POLE: variants seen among roughly 807,000 people sequenced by gnomAD.
POLE encodes DNA polymerase epsilon catalytic subunit A.
Under a neutral mutation model 279.2 loss-of-function variants are expected in POLE, and 188 were observed. That is an observed-to-expected ratio of 0.67 (90% CI 0.60 to 0.76). POLE has a LOEUF of 0.76. Among genes scored for constraint, POLE ranks in the 30% least tolerant of loss-of-function variants. The pLI is 0.00. For missense variants in POLE, 2,703 were observed against 3,016.7 expected (o/e 0.90, Z 2.44); for synonymous variants, 1,214 against 1,172.5 (o/e 1.04, Z -0.72).
chr12:132,651,752 C>G (rs555887241), intron 29 of POLE, among the ~76,000 whole-genome samples: 2 of 152,324 alleles, frequency 1.3e-5, no homozygotes, highest in Admixed American at 1.3e-4. Flanking sequence ...CTCAAAAGTC[C>G]AGTGCCATGC....
At chr12:132,643,806 C>G in intron 33 of POLE, 31 bp downstream of exon 33, 10 of 1,606,060 alleles carry the variant, frequency 6.2e-6, no homozygotes, top group Non-Finnish European at 8.5e-6. Flanking sequence ...GGAGCCTCCC[C>G]CAGTTCAGTC....
Position 132,681,126 on chromosome 12 carries a change from C to T in POLE, c.204+12G>A. 2 of 1,613,898 alleles carry T rather than the reference C, an allele frequency of 1.2e-6. No homozygotes were observed. The highest frequency in any genetic ancestry group is 1.7e-6 in the Non-Finnish European group (2 of 1,179,974). On this transcript the variant is annotated intron_variant, in intron 2 of 48. Transcript: ENST00000320574. ...GCCATATTCCTGGGTGGGAGAAGGA[C>T]CTAGTGCTTACAGGATGCATGTTAA...
At chr12:132,635,802 G>T in intron 42 of POLE, 90 bp downstream of exon 42, 1 of 1,418,570 alleles carries the variant, frequency 7.0e-7, no homozygotes, top group Non-Finnish European at 9.6e-7. Context: ...TCACGGCCAG[G>T]CCCGCCGGGG....
chr12:132,654,101 T>A (rs1261224770), intron 29 of POLE, among the ~76,000 whole-genome samples: 1 of 152,248 alleles, frequency 6.6e-6, no homozygotes, highest in Non-Finnish European at 1.5e-5. Flanking sequence ...TAACTTTCCT[T>A]TCCTGTTTTC....
At chr12:132,624,833 T>C in intron 48 of POLE, 23 bp from the exon 49 acceptor site, 1 of 1,594,872 alleles carries the variant, frequency 6.3e-7, no homozygotes, top group Non-Finnish European at 8.6e-7. Flanking sequence ...ACAGGCACAG[T>C]GAGACCCCAG....
Position 132,643,418 on chromosome 12 carries a change from T to C in POLE, c.4433A>G (p.Tyr1478Cys), listed in dbSNP as rs1162335715. 1.2e-6 allele frequency: 2 copies of C among 1,614,070 alleles called. No individual in the cohort carries two copies. The highest frequency in any genetic ancestry group is 1.3e-5 in the African/African-American group (1 of 74,948). ...GGTGCAGGCCATACCTGGTTCCAGGTAGCTGAACTGGGCCAGAGAGCGCAT... is the reference window on the plus strand; with the variant it reads ...GGTGCAGGCCATACCTGGTTCCAGGCAGCTGAACTGGGCCAGAGAGCGCAT... ...LEMRSLAQFS[Y>C]LEPGSIRHIY... Residue 1478 changes from tyrosine (Y) to cysteine (C), a missense_variant, in exon 34 of 49, where the codon TAC (tyrosine) becomes TGC (cysteine). Tyr to Cys is a radical substitution (Grantham distance 194). Around this residue, in one of 5 missense-constraint regions of POLE, gnomAD observed 1,551 missense variants for 1,686.1 expected, o/e 0.92. Coordinates refer to ENST00000320574, the MANE Select transcript of POLE (RefSeq NM_006231.4).
At chr12:132,646,393 A>C (rs939749251) in intron 32 of POLE, among the ~76,000 whole-genome samples, 3 of 152,326 alleles carry the variant, frequency 2.0e-5, no homozygotes. Flanking sequence ...AAAAATCTGC[A>C]CTTAACTATA....
intron 45 of POLE, among the ~76,000 whole-genome samples, chr12:132,627,852 A>T (rs2041866203): frequency 6.6e-6 from 1 of 152,154 alleles, no homozygotes. Flanking sequence ...ACAACAATGA[A>T]GTTTGCTGCA....
At position 132,680,192 on chromosome 12, in the gene POLE, T is replaced by C. The variant is rs777108003; in HGVS notation, c.316A>G (p.Ile106Val). ...VALPYKPYFYIATRKGCEREV... is the reference protein window; with the variant it reads ...VALPYKPYFYVATRKGCEREV... ...AACACACTCACCTTTCTGGTCGCAA[T>C]GTAGAAATACGGTTTATAGGGCAAA... Residue 106 changes from isoleucine to valine, a missense_variant, in exon 4 of 49, where the codon ATT (isoleucine) becomes GTT (valine). By Grantham distance (29) the Ile-to-Val change is conservative. Around this residue, in one of 5 missense-constraint regions of POLE, gnomAD observed 1,011 missense variants for 1,111.7 expected, o/e 0.91. Transcript: ENST00000320574. 2 of 1,614,022 alleles carry C rather than the reference T, an allele frequency of 1.2e-6. No individual in the cohort carries two copies. Among genetic ancestry groups the C allele is most frequent in the African/African-American group, 1.3e-5 (1 of 74,914 alleles).
Position 132,668,874 on chromosome 12 carries a change from T to G in POLE, c.1860A>C (p.Pro620=), listed in dbSNP as rs1364143949. 6.2e-7 allele frequency: 1 copy of G among 1,613,914 alleles called. No individual in the cohort carries two copies. The highest frequency in any genetic ancestry group is 8.5e-7 in the Non-Finnish European group (1 of 1,179,956). Residue 620 remains proline, a synonymous_variant, in exon 17 of 49, where the codon CCA becomes CCC. Coordinates refer to ENST00000320574, the MANE Select transcript of POLE (RefSeq NM_006231.4). The surrounding 1 kb of genome is among the most constrained non-coding windows in gnomAD (Gnocchi z 4.0). ...CCCCCACGTCCAGGTGGTAGATGAG[T>G]GGACACTCGATGCGGCTGGGAACGT... ...LKDVPSRIEC[P]LIYHLDVGAM...
chr12:132,680,709 C>T, intron 2 of POLE, 22 bp from the exon 3 acceptor site: 2 of 1,581,232 alleles, frequency 1.3e-6, no homozygotes, highest in Non-Finnish European at 1.7e-6. Flanking sequence ...TCAGTCAACA[C>T]AGACACAAGA....
In POLE at chr12:132,639,347, GCT is replaced by G; in HGVS notation, c.5379-51_5379-50del. On this transcript the variant is annotated intron_variant, in intron 39 of 48. Coordinates refer to ENST00000320574, the MANE Select transcript of POLE (RefSeq NM_006231.4). The surrounding 1 kb of genome is among the most constrained non-coding windows in gnomAD (Gnocchi z 4.7). ...CCTCGTACCCTCAGCCTCCCACGCT[GCT>G]GCCACGCGGGACGCTCCAACTGAAA... The G allele has an allele frequency of 6.3e-7, 1 of 1,575,576 alleles. No homozygotes were observed. The highest frequency in any genetic ancestry group is 8.7e-7 in the Non-Finnish European group (1 of 1,150,254).
chr12:132,677,499 C>G (rs2136019179), intron 7 of POLE, 56 bp from the exon 8 acceptor site: 1 of 1,608,552 alleles, frequency 6.2e-7, no homozygotes, highest in South Asian at 1.1e-5. Context: ...GTCTATTCTT[C>G]TGTGGATTCA....
rs995570173 is a variant in POLE at position 132,668,993 on chromosome 12, C to T, written c.1795-54G>A. 1.3e-6 allele frequency: 2 copies of T among 1,575,018 alleles called. No individual in the cohort carries two copies. Among genetic ancestry groups the T allele is most frequent in the South Asian group, 1.1e-5 (1 of 87,216 alleles). ...CTGGTGACCAAGCTTGCCTCGTGTG[C>T]AGTTCACCAACCCCTTTTAGACATT... On this transcript the variant is annotated intron_variant, in intron 16 of 48. Coordinates refer to ENST00000320574, the MANE Select transcript of POLE (RefSeq NM_006231.4). The surrounding 1 kb of genome is among the most constrained non-coding windows in gnomAD (Gnocchi z 4.0).
rs531921107 is a variant in POLE, at chr12:132,673,419, C to A, written c.1360-142G>T. On this transcript the variant is annotated intron_variant, in intron 13 of 48. Transcript: ENST00000320574. ...CGGCACAGGACAAAACACGTGTGTC[C>A]CGGAGACACAGCCTGCTGGGTGGAG... 2.0e-4 allele frequency: 249 copies of A among 1,235,426 alleles called. No individual in the cohort carries two copies. The African/African-American group carries it at 3.4e-3, about 17-fold the overall frequency. The allele number at this position is 1,235,426 out of a possible 1,614,324, so 76.5% of individuals were successfully genotyped here. A position where few individuals can be genotyped will look rare whatever the true frequency, so the allele number is the denominator to read the frequency against.
At chr12:132,660,664 ACTGTGGC>A (rs1403387195) in intron 25 of POLE, 1 of 257,548 alleles carries the variant, frequency 3.9e-6, no homozygotes, top group Non-Finnish European at 7.4e-6. Context: ...GTCACGGCTC[ACTGTGGC>A]CTCTACTTCC....
At position 132,664,864 on chromosome 12, in the gene POLE, C is replaced by T. The variant is rs1273407454; in HGVS notation, c.2469-402G>A. ...GGCCCAACCCTCCTCCAGCCTGGGT[C>T]CCAGCCCTGCTGTCAGCTGTCCCAC... On this transcript the variant is annotated intron_variant, in intron 21 of 48. Coordinates refer to ENST00000320574, the MANE Select transcript of POLE (RefSeq NM_006231.4). The surrounding 1 kb of genome is among the most constrained non-coding windows in gnomAD (Gnocchi z 5.3). Among the ~76,000 whole-genome samples, 5 of 152,056 alleles carry T rather than the reference C, an allele frequency of 3.3e-5. No individual in the cohort carries two copies. The highest frequency in any genetic ancestry group is 7.4e-5 in the Non-Finnish European group (5 of 68,004).
chr12:132,656,907 T>C (rs1319393209), intron 29 of POLE, among the ~76,000 whole-genome samples: 1 of 152,344 alleles, frequency 6.6e-6, no homozygotes, highest in Non-Finnish European at 1.5e-5. Flanking sequence ...TATTTTCACA[T>C]AAGGAGACAG....
In POLE at chr12:132,654,083, A is replaced by G. The variant is rs552148465; in HGVS notation, c.3582+3053T>C. On this transcript the variant is annotated intron_variant, in intron 29 of 48. Coordinates refer to ENST00000320574, the MANE Select transcript of POLE (RefSeq NM_006231.4). ...GTTGATATTTTTTCATCTATTGTTC[A>G]TGGCCCGTAACTTTCCTTTCCTGTT... Among the ~76,000 whole-genome samples the G allele has an allele frequency of 5.1e-4, 78 of 152,154 alleles. No homozygotes were observed. The South Asian group carries it at 0.016, about 31-fold the overall frequency.
Sources: allele counts gnomAD v4.1 joint callset (sites outside exome capture counted in the v4.1 genomes callset), GRCh38; gene constraint gnomAD v4.1.1; regional missense constraint gnomAD v4.1.1; non-coding constraint Gnocchi (gnomAD v3.1); transcripts MANE v1.5; gene names NCBI Gene and HGNC (gene_info 2026-07-23, HGNC 2026-07-21).